HDAC8: variants seen among roughly 807,000 people sequenced by gnomAD.
HDAC8 encodes the protein histone deacetylase 8.
HDAC8 carries 1 observed loss-of-function variant against 32.2 expected under a neutral mutation model. The ratio of observed to expected loss-of-function variants is 0.03; its 90% CI spans 0.01 to 0.15. The LOEUF (loss-of-function observed/expected upper bound fraction) is 0.15, where lower values mean the gene tolerates loss of function less well. Ranked by LOEUF, HDAC8 falls within the 10% of genes least tolerant of loss-of-function variation. The pLI is 1.00. For missense variants in HDAC8, 117 were observed against 300.0 expected, an observed-to-expected ratio of 0.39 and a Z score of 4.51; for synonymous variants, 108 against 113.9, an observed-to-expected ratio of 0.95 and a Z score of 0.33.
At chrX:72,541,482 G>C (rs1486767701) in intron 4 of HDAC8, among the ~76,000 whole-genome samples, 2 of 112,432 alleles carry the variant, frequency 1.8e-5, no homozygotes, top group African/African-American at 6.5e-5. Flanking sequence ...GTGGAACAGG[G>C]AGCCAGTGCA....
intron 10 of HDAC8, among the ~76,000 whole-genome samples, chrX:72,350,961 C>T (rs782049912): frequency 8.9e-6 from 1 of 112,315 alleles, no homozygotes; most frequent in South Asian, 3.7e-4. Flanking sequence ...GTCCAGGTAA[C>T]CCACTCCCAG....
chrX:72,393,096 C>T (rs1283378418), intron 9 of HDAC8, among the ~76,000 whole-genome samples: 1 of 111,708 alleles, frequency 9.0e-6, no homozygotes, highest in Non-Finnish European at 1.9e-5. Flanking sequence ...AGCTAAAATC[C>T]GTTGAATTTA....
intron 9 of HDAC8, among the ~76,000 whole-genome samples, chrX:72,365,285 A>G (rs1213609537): frequency 1.1e-4 from 12 of 111,940 alleles, no homozygotes; most frequent in African/African-American, 3.9e-4. Flanking sequence ...CTATATTTGA[A>G]AACACTCACT....
chrX:72,497,690 A>C (rs1451510301), intron 4 of HDAC8, among the ~76,000 whole-genome samples: 1 of 111,962 alleles, frequency 8.9e-6, no homozygotes, highest in Non-Finnish European at 1.9e-5. Context: ...AAATTTGTTT[A>C]ACCAAGTTGA....
intron 5 of HDAC8, among the ~76,000 whole-genome samples, chrX:72,493,821 T>G (rs1258075053): frequency 9.0e-6 from 1 of 111,256 alleles, no homozygotes; most frequent in Non-Finnish European, 1.9e-5. Context: ...CTCAGCTTCC[T>G]AAGTAGCTAG....
intron 7 of HDAC8, among the ~76,000 whole-genome samples, chrX:72,468,186 T>C (rs1476158326): frequency 8.9e-6 from 1 of 111,818 alleles, no homozygotes; most frequent in East Asian, 2.8e-4. Context: ...ATGGAAACCA[T>C]TGGAGAAGTA....
chrX:72,414,152 C>A (rs2046272542), intron 9 of HDAC8, among the ~76,000 whole-genome samples: 1 of 112,147 alleles, frequency 8.9e-6, no homozygotes, highest in Admixed American at 9.4e-5. Flanking sequence ...AATAATAACC[C>A]CTTACATTTG....
intron 4 of HDAC8, among the ~76,000 whole-genome samples, chrX:72,526,280 C>CA: frequency 9.3e-6 from 1 of 107,158 alleles, no homozygotes; most frequent in South Asian, 4.1e-4. Flanking sequence ...TCTACCCTCT[C>CA]TTTTTTTTTT....
intron 8 of HDAC8, 134 bp from the exon 9 acceptor site, chrX:72,462,232 C>G (rs781944853): frequency 2.6e-5 from 13 of 492,207 alleles, no homozygotes; most frequent in South Asian, 2.3e-4. Flanking sequence ...CCTAATCCCC[C>G]CTTTGTGATA....
At chrX:72,429,473 T>C (rs1246350372) in intron 9 of HDAC8, among the ~76,000 whole-genome samples, 1 of 112,177 alleles carries the variant, frequency 8.9e-6, no homozygotes, top group East Asian at 2.8e-4. Flanking sequence ...CCCGAGTCTA[T>C]CTTTTGCTAT....
At chrX:72,339,245 T>C (rs1369318707) in intron 10 of HDAC8, among the ~76,000 whole-genome samples, 1 of 112,247 alleles carries the variant, frequency 8.9e-6, no homozygotes, top group Non-Finnish European at 1.9e-5. Context: ...GGTCCATTTT[T>C]CTGTCCATTT....
chrX:72,410,534 A>G (rs969431350), intron 9 of HDAC8, among the ~76,000 whole-genome samples: 6 of 112,085 alleles, frequency 5.4e-5, no homozygotes, highest in African/African-American at 1.6e-4. Flanking sequence ...GCATTCAATT[A>G]TAATACAAAA....
chrX:72,361,891 G>A (rs1406842121), intron 9 of HDAC8, among the ~76,000 whole-genome samples: 1 of 111,510 alleles, frequency 9.0e-6, no homozygotes, highest in Non-Finnish European at 1.9e-5. Flanking sequence ...GACAAATTAG[G>A]TGACTTATCC....
intron 9 of HDAC8, among the ~76,000 whole-genome samples, chrX:72,387,287 C>G (rs1229443021): frequency 8.9e-6 from 1 of 111,782 alleles, no homozygotes; most frequent in Non-Finnish European, 1.9e-5. Flanking sequence ...CCTTTGGCTT[C>G]CTCCAGTGGC....
chrX:72,377,245 CCTT>C (rs1306486372), intron 9 of HDAC8: 1 of 112,278 alleles, frequency 8.9e-6, no homozygotes, highest in Non-Finnish European at 1.9e-5. Context: ...ACCCAAATCT[CCTT>C]CTTTTATTGA....
At chrX:72,384,457 T>C (rs1197221271) in intron 9 of HDAC8, among the ~76,000 whole-genome samples, 5 of 111,612 alleles carry the variant, frequency 4.5e-5, no homozygotes, top group African/African-American at 1.3e-4. Flanking sequence ...CTTTCCACCC[T>C]TCTGTGCCTG....
chrX:72,450,236 A>C (rs1555986908), intron 9 of HDAC8, among the ~76,000 whole-genome samples: 1 of 112,131 alleles, frequency 8.9e-6, no homozygotes, highest in Non-Finnish European at 1.9e-5. Context: ...AGTGATTGCC[A>C]AGGGTTCGTG....
intron 4 of HDAC8, among the ~76,000 whole-genome samples, chrX:72,507,605 C>T (rs1364700433): frequency 2.7e-5 from 3 of 111,817 alleles, no homozygotes; most frequent in African/African-American, 9.8e-5. Context: ...CTATAAAATG[C>T]CAGGCTTCCT....
intron 4 of HDAC8, among the ~76,000 whole-genome samples, chrX:72,541,186 T>A (rs1176283845): frequency 1.8e-5 from 2 of 109,981 alleles, no homozygotes; most frequent in East Asian, 2.8e-4. Context: ...GCAAATTTTT[T>A]AAAAATGTGG....
Sources: allele counts gnomAD v4.1 joint callset (sites outside exome capture counted in the v4.1 genomes callset), GRCh38; gene constraint gnomAD v4.1.1; transcripts MANE v1.5; gene names NCBI Gene and HGNC (gene_info 2026-07-23, HGNC 2026-07-21).